SLC39A14: variants seen among roughly 807,000 people sequenced by gnomAD.
SLC39A14 encodes the protein solute carrier family 39 member 14.
In SLC39A14, 19 loss-of-function variants were observed where a neutral mutation model predicts 45.5. The observed-to-expected ratio is 0.42, with a 90% CI of 0.29 to 0.61. SLC39A14 has a LOEUF of 0.61. SLC39A14 is among the 20% of genes least tolerant of loss of function. SLC39A14 has a pLI of 0.22. For synonymous variants in SLC39A14, 264 were observed against 251.3 expected (o/e 1.05, Z -0.48); for missense variants, 447 against 616.5 (o/e 0.73, Z 2.91).
chr8:22,410,202 GGCAC>G, intron 3 of SLC39A14: 1 of 1,395,778 alleles, frequency 7.2e-7, no homozygotes, highest in Non-Finnish European at 1.0e-6. Flanking sequence ...TGGGCTCCAA[GGCAC>G]CCAATGACTG....
chr8:22,379,790 G>A (rs934319073), intron 1 of SLC39A14, among the ~76,000 whole-genome samples: 1 of 151,830 alleles, frequency 6.6e-6, no homozygotes, highest in Non-Finnish European at 1.5e-5. Flanking sequence ...TTAGCTGGGG[G>A]TGGTGGGGTG....
At chr8:22,425,545 T>TC (rs1214594725), downstream of SLC39A14, among the ~76,000 whole-genome samples, 1 of 151,812 alleles carries the variant, frequency 6.6e-6, no homozygotes, top group East Asian at 1.9e-4. Flanking sequence ...TTTTTTTTTT[T>TC]TTTAATAGTG....
chr8:22,433,162 GA>G (rs1471499196), intron 8 of SLC39A14, among the ~76,000 whole-genome samples: 1 of 151,992 alleles, frequency 6.6e-6, no homozygotes, highest in African/African-American at 2.4e-5. Flanking sequence ...GAAAGATAAA[GA>G]AATTTTTTTT....
chr8:22,393,324 T>A (rs2132250714), intron 1 of SLC39A14: 1 of 784,778 alleles, frequency 1.3e-6, no homozygotes, highest in East Asian at 1.3e-4. Context: ...GAGGGTTGGT[T>A]TTCCAACTGT....
chr8:22,375,812 C>T (rs942028644), intron 1 of SLC39A14, among the ~76,000 whole-genome samples: 3 of 152,184 alleles, frequency 2.0e-5, no homozygotes, highest in South Asian at 2.1e-4. Context: ...GTTTGCTTAA[C>T]CATTTCCTTT....
Position 22,412,342 on chromosome 8 carries a change from A to G in SLC39A14, c.627+136A>G, listed in dbSNP as rs1835621813. On this transcript the variant is annotated intron_variant, in intron 4 of 8. Coordinates refer to ENST00000381237, the MANE Select transcript of SLC39A14 (RefSeq NM_001128431.4). Reference sequence around the variant, plus strand: ...AAGCGAAGCTAGAACTTAGGCGTGAACTAGGAGAGGCAGCCCAGCATAGGC... The same window carrying G: ...AAGCGAAGCTAGAACTTAGGCGTGAGCTAGGAGAGGCAGCCCAGCATAGGC... 2.2e-5 allele frequency: 20 copies of G among 921,406 alleles called. No homozygotes were observed. The South Asian group carries it at 3.5e-4, about 16-fold the overall frequency. 57.1% of individuals were successfully genotyped at this position (921,406 alleles called of 1,614,324 possible).
chr8:22,407,099 C>G (rs1224131508), intron 2 of SLC39A14, among the ~76,000 whole-genome samples: 1 of 152,210 alleles, frequency 6.6e-6, no homozygotes, highest in African/African-American at 2.4e-5. Context: ...TGGCCCACTT[C>G]CCTGAATCTT....
chr8:22,395,015 CTTT>C (rs56710226), intron 1 of SLC39A14, among the ~76,000 whole-genome samples: 1 of 145,174 alleles, frequency 6.9e-6, no homozygotes, highest in Admixed American at 6.8e-5. Context: ...TCTTTTCTCT[CTTT>C]TTTTTTTTTT....
intron 1 of SLC39A14, among the ~76,000 whole-genome samples, chr8:22,372,986 G>A (rs889046576): frequency 2.6e-5 from 4 of 151,958 alleles, no homozygotes; most frequent in Non-Finnish European, 4.4e-5. Flanking sequence ...TGTTTTGAAC[G>A]GGCGCAGTGA....
chr8:22,405,863 T>C (rs557842104), intron 2 of SLC39A14, among the ~76,000 whole-genome samples: 60 of 152,332 alleles, frequency 3.9e-4, no homozygotes, highest in Non-Finnish European at 7.3e-4. Flanking sequence ...CAGCCAAATA[T>C]AAGTCAGCCA....
intron 8 of SLC39A14, among the ~76,000 whole-genome samples, chr8:22,430,947 A>G (rs1240542575): frequency 1.3e-5 from 2 of 150,818 alleles, no homozygotes; most frequent in Non-Finnish European, 2.9e-5. Flanking sequence ...TGCTGGGATT[A>G]TAGGGGCGAG....
intron 1 of SLC39A14, among the ~76,000 whole-genome samples, chr8:22,394,863 CAT>C (rs1235532794): frequency 1.3e-5 from 2 of 152,132 alleles, no homozygotes; most frequent in Non-Finnish European, 2.9e-5. Context: ...ATTCTCGGCT[CAT>C]AGTTTCTTTT....
intron 2 of SLC39A14, among the ~76,000 whole-genome samples, chr8:22,406,430 A>ACG (rs1835215875): frequency 6.6e-6 from 1 of 152,130 alleles, no homozygotes; most frequent in Admixed American, 6.5e-5. Context: ...GCGGTGGCTG[A>ACG]CGCCTGTAAC....
chr8:22,397,392 C>A (rs2132273938), intron 1 of SLC39A14, among the ~76,000 whole-genome samples: 1 of 152,290 alleles, frequency 6.6e-6, no homozygotes, highest in East Asian at 1.9e-4. Context: ...TCCTGGCTAA[C>A]ACAGTGAAAG....
downstream of SLC39A14, among the ~76,000 whole-genome samples, chr8:22,425,902 T>G (rs1208555787): frequency 6.6e-6 from 1 of 151,096 alleles, no homozygotes; most frequent in East Asian, 2.0e-4. Flanking sequence ...TTTTTTTTGT[T>G]TTTTTTTGAG....
intron 1 of SLC39A14, among the ~76,000 whole-genome samples, chr8:22,401,017 G>A (rs1834822375): frequency 6.6e-6 from 1 of 152,226 alleles, no homozygotes; most frequent in Non-Finnish European, 1.5e-5. Context: ...TAATGAGGTG[G>A]ATACCAATTT....
At chr8:22,415,088 AC>A in intron 5 of SLC39A14, 186 bp downstream of exon 5, 1 of 638,026 alleles carries the variant, frequency 1.6e-6, no homozygotes, top group Non-Finnish European at 2.6e-6. Context: ...GTGAGGCCAG[AC>A]CAGAAACTAG....
At position 22,415,802 on chromosome 8, in the gene SLC39A14, TCG is replaced by T. The variant is rs775380306; in HGVS notation, c.786_787del (p.Leu263SerfsTer30). The T allele has an allele frequency of 1.2e-6, 2 of 1,612,904 alleles. No homozygotes were observed. Among genetic ancestry groups the T allele is most frequent in the East Asian group, 4.5e-5 (2 of 44,858 alleles). ...TGGACACAGCCATTATGCCTCTGAG[TCG>T]CTTCCCTCCAAGAAGGACCAGGAGG... ...HHGHSHYASE[S>X]LPSKKDQEEG... On this transcript the variant is annotated frameshift_variant, in exon 6 of 9. Coordinates refer to ENST00000381237, the MANE Select transcript of SLC39A14 (RefSeq NM_001128431.4). LOFTEE classifies it high-confidence loss of function.
chr8:22,393,921 C>T (rs1834222934), intron 1 of SLC39A14, among the ~76,000 whole-genome samples: 1 of 152,120 alleles, frequency 6.6e-6, no homozygotes, highest in Non-Finnish European at 1.5e-5. Context: ...AATCTACCTG[C>T]CTTGGCCTCC....
Sources: allele counts gnomAD v4.1 joint callset (sites outside exome capture counted in the v4.1 genomes callset), GRCh38; gene constraint gnomAD v4.1.1; transcripts MANE v1.5; gene names NCBI Gene and HGNC (gene_info 2026-07-23, HGNC 2026-07-21).